PCDHGA11: variants seen among roughly 807,000 people sequenced by gnomAD.
The protein encoded by PCDHGA11 is protocadherin gamma subfamily A, 11.
Under a neutral mutation model 60.4 loss-of-function variants are expected in PCDHGA11, and 39 were observed. That is an observed-to-expected ratio of 0.65 (90% CI 0.50 to 0.84). The LOEUF (loss-of-function observed/expected upper bound fraction) is 0.84, where lower values mean the gene tolerates loss of function less well. PCDHGA11 is among the 40% of genes least tolerant of loss of function. PCDHGA11 has a pLI of 0.00. For missense variants in PCDHGA11, 1,165 were observed against 1,197.7 expected, an observed-to-expected ratio of 0.97 and a Z score of 0.40; for synonymous variants, 533 against 510.3, an observed-to-expected ratio of 1.04 and a Z score of -0.60.
At chr5:141,480,652 A>C (rs1488188393) in intron 1 of PCDHGA11, among the ~76,000 whole-genome samples, 4 of 152,220 alleles carry the variant, frequency 2.6e-5, no homozygotes, top group Non-Finnish European at 5.9e-5. Context: ...TTGGTTGCAC[A>C]TTAAAATCAC....
chr5:141,432,521 G>A lies in PCDHGA11; in HGVS notation c.2433+8861G>A. The stretch of plus-strand genomic sequence containing the variant: ...CCGCTCCGCAGAGCCCGGCTACCTG[G>A]TGACCAAGGTGGTGGCGGTGGACAG... On this transcript the variant is annotated intron_variant, in intron 1 of 3. Coordinates refer to ENST00000398587, the MANE Select transcript of PCDHGA11 (RefSeq NM_018914.3). The surrounding 1 kb of genome is among the most constrained non-coding windows in gnomAD (Gnocchi z 6.0). The A allele has an allele frequency of 6.2e-7, 1 of 1,614,112 alleles. No homozygotes were observed. Among genetic ancestry groups the A allele is most frequent in the Non-Finnish European group, 8.5e-7 (1 of 1,180,028 alleles).
In PCDHGA11 at chr5:141,433,056, G is replaced by T. The variant is rs1422450948; in HGVS notation, c.2433+9396G>T. ...TCCCTCACCACGGACTCGCGGAAGA[G>T]TCACCTGATCTTCCCCCAGCCCAAC... On this transcript the variant is annotated intron_variant, in intron 1 of 3. Coordinates refer to ENST00000398587, the MANE Select transcript of PCDHGA11 (RefSeq NM_018914.3). The T allele has an allele frequency of 6.8e-6, 11 of 1,614,086 alleles. No homozygotes were observed. In the South Asian group the frequency reaches 1.1e-4, roughly 16 times the overall value.
chr5:141,428,090 G>A (rs1415146154), intron 1 of PCDHGA11: 1 of 1,608,870 alleles, frequency 6.2e-7, no homozygotes, highest in Non-Finnish European at 8.5e-7. Flanking sequence ...ACGCTTGGCT[G>A]TCCTACCACG....
At chr5:141,500,252 A>G (rs2099798400) in intron 2 of PCDHGA11, among the ~76,000 whole-genome samples, 1 of 151,094 alleles carries the variant, frequency 6.6e-6, no homozygotes, top group East Asian at 1.9e-4. Flanking sequence ...TCTGTCACCC[A>G]GGCTGGACTG....
chr5:141,432,908 C>G lies in PCDHGA11; in HGVS notation c.2433+9248C>G, dbSNP rs757934634. 6.2e-7 allele frequency: 1 copy of G among 1,614,168 alleles called. No homozygotes were observed. Reference sequence around the variant, plus strand: ...CATCTTGCTGCTGGCGCTCAGGCTGCGGCGCTGGCACAAGTCACGCCTGCT... The same window carrying G: ...CATCTTGCTGCTGGCGCTCAGGCTGGGGCGCTGGCACAAGTCACGCCTGCT... On this transcript the variant is annotated intron_variant, in intron 1 of 3. Transcript: ENST00000398587. This position sits in a 1 kb window ranked among gnomAD's most constrained non-coding sequence, Gnocchi z 6.0.
chr5:141,427,087 A>T, intron 1 of PCDHGA11: 1 of 458,198 alleles, frequency 2.2e-6, no homozygotes, highest in Non-Finnish European at 4.4e-6. Flanking sequence ...ACTGACCAGG[A>T]TGAGGGTGTC....
At chr5:141,498,670 G>A (rs1266576450) in intron 2 of PCDHGA11, among the ~76,000 whole-genome samples, 1 of 152,066 alleles carries the variant, frequency 6.6e-6, no homozygotes, top group Non-Finnish European at 1.5e-5. Flanking sequence ...GGTGGCTCAC[G>A]CCTGTAATCC....
rs58019021 is a variant in PCDHGA11, at chr5:141,500,184, T to TTTTATTTATTTA, written c.2493-5178_2493-5167dup. Among the ~76,000 whole-genome samples, 232 of 135,962 alleles carry TTTTATTTATTTA rather than the reference T, an allele frequency of 1.7e-3. 1 individual carries two copies. The highest frequency in any genetic ancestry group is 6.4e-3 in the South Asian group (27 of 4,202). The allele number at this position is 135,962 out of a possible 152,430, so 89.2% of individuals were successfully genotyped here. A position where few individuals can be genotyped will look rare whatever the true frequency, so the allele number is the denominator to read the frequency against. The stretch of plus-strand genomic sequence containing the variant: ...GAACATGCATGAGCTTCATTTTTAT[T>TTTTATTTATTTA]TTTATTTATTTATTTATTTATTTAT... On this transcript the variant is annotated intron_variant, in intron 2 of 3. Transcript: ENST00000398587.
chr5:141,426,166 G>A (rs545570121), intron 1 of PCDHGA11: 4 of 155,070 alleles, frequency 2.6e-5, no homozygotes, highest in South Asian at 2.0e-4. Context: ...GATTCCATAC[G>A]GATTGGGGTG....
At chr5:141,475,014 C>G (rs2099358221) in intron 1 of PCDHGA11, among the ~76,000 whole-genome samples, 1 of 152,202 alleles carries the variant, frequency 6.6e-6, no homozygotes, top group South Asian at 2.1e-4. Flanking sequence ...AAAGTTAAGG[C>G]TCTTTATTCT....
In PCDHGA11 at chr5:141,512,926, T is replaced by C. The variant is rs1438111849; in HGVS notation, c.*1753T>C. The C allele has an allele frequency of 6.6e-6, 1 of 152,216 alleles. No homozygotes were observed. The highest frequency in any genetic ancestry group is 1.5e-5 in the Non-Finnish European group (1 of 68,048). 9.4% of individuals were successfully genotyped at this position (152,216 alleles called of 1,614,324 possible). A position where few individuals can be genotyped will look rare whatever the true frequency, so the allele number is the denominator to read the frequency against. On this transcript the variant is annotated 3_prime_UTR_variant, in exon 4 of 4. Coordinates refer to ENST00000398587, the MANE Select transcript of PCDHGA11 (RefSeq NM_018914.3). ...CGCAAGTTTTATACTCTAATATTTA[T>C]ATGGCTTTTTTTCTTCGACAAAAAA...
intron 1 of PCDHGA11, among the ~76,000 whole-genome samples, chr5:141,436,793 C>A (rs752376420): frequency 6.6e-6 from 1 of 152,178 alleles, no homozygotes; most frequent in Non-Finnish European, 1.5e-5. Context: ...TAAAACTGTT[C>A]TAAAATTTTT....
At chr5:141,427,371 G>A (rs772247790) in intron 1 of PCDHGA11, 3 of 458,018 alleles carry the variant, frequency 6.5e-6, no homozygotes, top group East Asian at 6.9e-5. Context: ...ACCCTGGACG[G>A]TGATCACTCT....
rs762908598 is a variant in PCDHGA11 at position 141,491,157 on chromosome 5, T to A, written c.2434-3650T>A. The A allele has an allele frequency of 3.7e-6, 6 of 1,614,108 alleles. No homozygotes were observed. The Admixed American group carries it at 8.3e-5, about 22-fold the overall frequency. On this transcript the variant is annotated intron_variant, in intron 1 of 3. Transcript: ENST00000398587. The surrounding 1 kb of genome is among the most constrained non-coding windows in gnomAD (Gnocchi z 6.9). ...CCCGGGCCTTACTGGAGGATGACTC[T>A]GACACCCAGCAGGTGGTGGTCCTGG...
At position 141,485,299 on chromosome 5, in the gene PCDHGA11, G is replaced by A; in HGVS notation, c.2434-9508G>A. On this transcript the variant is annotated intron_variant, in intron 1 of 3. Coordinates refer to ENST00000398587, the MANE Select transcript of PCDHGA11 (RefSeq NM_018914.3). The surrounding 1 kb of genome is among the most constrained non-coding windows in gnomAD (Gnocchi z 5.7). ...CGGTCCCAGAGGAGTCACAGGAAGG[G>A]ACTTTTGTAGGGAATGTCGCTCAAG... 1 of 1,614,180 alleles carries A rather than the reference G, an allele frequency of 6.2e-7. No individual in the cohort carries two copies. Among genetic ancestry groups the A allele is most frequent in the Non-Finnish European group, 8.5e-7 (1 of 1,180,012 alleles).
chr5:141,476,070 C>T lies in PCDHGA11; in HGVS notation c.2434-18737C>T. ...CCCGCTGAAAGTTTCTCAGCGAAAT[C>T]TCAGGGACGATCTGGACCCCGCTGA... is the stretch of plus-strand genomic sequence containing the variant. On this transcript the variant is annotated intron_variant, in intron 1 of 3. Transcript: ENST00000398587. This position sits in a 1 kb window ranked among gnomAD's most constrained non-coding sequence, Gnocchi z 7.6. 6.6e-7 allele frequency: 1 copy of T among 1,522,382 alleles called. No individual in the cohort carries two copies. The highest frequency in any genetic ancestry group is 1.3e-5 in the South Asian group (1 of 77,762). 94.3% of individuals were successfully genotyped at this position (1,522,382 alleles called of 1,614,324 possible). A position where few individuals can be genotyped will look rare whatever the true frequency, so the allele number is the denominator to read the frequency against.
At chr5:141,456,057 C>T (rs2098842079) in intron 1 of PCDHGA11, among the ~76,000 whole-genome samples, 1 of 151,914 alleles carries the variant, frequency 6.6e-6, no homozygotes, top group South Asian at 2.1e-4. Context: ...ACCACCACGT[C>T]CGGCTAATTT....
chr5:141,463,266 T>G (rs933899476), intron 1 of PCDHGA11, among the ~76,000 whole-genome samples: 16 of 151,982 alleles, frequency 1.1e-4, no homozygotes, highest in African/African-American at 3.6e-4. Context: ...CTCTATCCCA[T>G]AAATTCTGGC....
chr5:141,498,625 T>C (rs1327552423), intron 2 of PCDHGA11, among the ~76,000 whole-genome samples: 1 of 152,176 alleles, frequency 6.6e-6, no homozygotes, highest in Non-Finnish European at 1.5e-5. Context: ...TGGGTCACAC[T>C]GCCTAGACAG....
Sources: gnomAD v4.1 joint callset for allele counts (sites outside exome capture counted in the v4.1 genomes callset) on GRCh38, gnomAD v4.1.1 for gene constraint, Gnocchi (gnomAD v3.1) non-coding constraint, MANE v1.5 for transcripts, NCBI Gene and HGNC (gene_info 2026-07-23, HGNC 2026-07-21) for gene names.